The following EXOC4 variants were observed in gnomAD, a reference collection of about 807,000 sequenced individuals.
EXOC4 encodes the protein SEC8-like 1.
A neutral mutation model predicts 107.2 loss-of-function variants in EXOC4; 71 were observed. That is an observed-to-expected ratio of 0.66 (90% CI 0.55 to 0.81). The LOEUF is 0.81. EXOC4 is among the 30% of genes least tolerant of loss of function. The pLI is 0.00. For synonymous variants in EXOC4, 456 were observed against 441.2 expected, an observed-to-expected ratio of 1.03 and a Z score of -0.42; for missense variants, 1,108 against 1,189.6, an observed-to-expected ratio of 0.93 and a Z score of 1.01.
chr7:133,682,855 A>G (rs1186036237), intron 10 of EXOC4, among the ~76,000 whole-genome samples: 1 of 152,132 alleles, frequency 6.6e-6, no homozygotes. Context: ...GCACATTGTT[A>G]TTTTCTCAAG....
At chr7:133,658,386 A>G (rs866966684) in intron 10 of EXOC4, among the ~76,000 whole-genome samples, 5 of 152,228 alleles carry the variant, frequency 3.3e-5, no homozygotes, top group Middle Eastern at 3.4e-3. Flanking sequence ...GTTAAAATCT[A>G]CTTATCTACT....
chr7:133,791,892 C>T (rs1796709521), intron 10 of EXOC4, among the ~76,000 whole-genome samples: 1 of 152,170 alleles, frequency 6.6e-6, no homozygotes, highest in Non-Finnish European at 1.5e-5. Flanking sequence ...CTAAATAAAA[C>T]TTACCTCTAC....
chr7:133,454,598 C>T (rs1483813376), intron 7 of EXOC4, among the ~76,000 whole-genome samples: 1 of 152,198 alleles, frequency 6.6e-6, no homozygotes, highest in Non-Finnish European at 1.5e-5. Flanking sequence ...CGCCTGACCA[C>T]TGCCTTCATT....
chr7:133,898,023 GC>G (rs1203277033), intron 12 of EXOC4, among the ~76,000 whole-genome samples: 1 of 59,216 alleles, frequency 1.7e-5, no homozygotes, highest in Non-Finnish European at 3.3e-5. Context: ...CAATCCCCCA[GC>G]CCCCAGCCTC....
At chr7:133,429,196 T>C (rs756249334) in intron 7 of EXOC4, among the ~76,000 whole-genome samples, 4 of 152,188 alleles carry the variant, frequency 2.6e-5, no homozygotes, top group South Asian at 4.1e-4. Context: ...AAAGAATTGA[T>C]GGAAACATGA....
At chr7:133,651,599 T>C (rs947429706) in intron 10 of EXOC4, among the ~76,000 whole-genome samples, 4 of 152,150 alleles carry the variant, frequency 2.6e-5, no homozygotes, top group South Asian at 2.1e-4. Flanking sequence ...GTTTATTGCA[T>C]AGGAAGATTT....
intron 9 of EXOC4, among the ~76,000 whole-genome samples, chr7:133,618,945 T>C (rs1227606521): frequency 6.6e-6 from 1 of 152,198 alleles, no homozygotes; most frequent in Non-Finnish European, 1.5e-5. Flanking sequence ...AGTATTGATC[T>C]CGTCATGGCT....
the EXOC4 span, among the ~76,000 whole-genome samples, chr7:134,092,396 G>A: frequency 6.6e-6 from 1 of 152,092 alleles, no homozygotes; most frequent in African/African-American, 2.4e-5. Context: ...TAGAAATTGA[G>A]GAAGTCCAGA....
At chr7:133,692,707 CTG>C (rs1794447505) in intron 10 of EXOC4, among the ~76,000 whole-genome samples, 1 of 152,178 alleles carries the variant, frequency 6.6e-6, no homozygotes, top group East Asian at 1.9e-4. Flanking sequence ...AGTACTCAGT[CTG>C]TGTCCAGTAG....
At chr7:133,400,258 C>T (rs928715404) in intron 7 of EXOC4, among the ~76,000 whole-genome samples, 2 of 152,186 alleles carry the variant, frequency 1.3e-5, no homozygotes, top group African/African-American at 2.4e-5. Context: ...GAAACTTCAT[C>T]TTTTCTTGGT....
intron 3 of EXOC4, among the ~76,000 whole-genome samples, chr7:133,300,103 G>T (rs539634371): frequency 7.2e-4 from 110 of 152,180 alleles, no homozygotes; most frequent in Non-Finnish European, 1.3e-3. Context: ...TCCTAAGGGA[G>T]ATAGGGCACC....
intron 7 of EXOC4, among the ~76,000 whole-genome samples, chr7:133,461,668 G>A (rs1323479813): frequency 6.6e-6 from 1 of 152,084 alleles, no homozygotes; most frequent in Non-Finnish European, 1.5e-5. Flanking sequence ...GTAATAAATG[G>A]TATTCCTATA....
chr7:133,451,009 A>G (rs1798332469), intron 7 of EXOC4, among the ~76,000 whole-genome samples: 1 of 152,174 alleles, frequency 6.6e-6, no homozygotes, highest in Non-Finnish European at 1.5e-5. Context: ...ACGGTTGCTC[A>G]CTTTGGTTTG....
Position 133,630,096 on chromosome 7 carries a change from A to G in EXOC4, c.1469A>G (p.Lys490Arg), listed in dbSNP as rs141069340. 3.1e-6 allele frequency: 5 copies of G among 1,613,890 alleles called. No homozygotes were observed. In the African/African-American group the frequency reaches 5.3e-5, roughly 17 times the overall value. ...IEGGGTKFVC[K>R]PGARNITVIF... Reference sequence around the variant, plus strand: ...GGTGGAGGAACAAAATTTGTCTGCAAACCTGGAGCCAGAAACATTACCGTC... The same window carrying G: ...GGTGGAGGAACAAAATTTGTCTGCAGACCTGGAGCCAGAAACATTACCGTC... The change falls in exon 10 of 18, where the codon AAA (lysine) becomes AGA (arginine). Residue 490 changes from lysine (K) to arginine (R), a missense_variant. By Grantham distance (26) the Lys-to-Arg change is conservative (BLOSUM62 2). Transcript: ENST00000253861.
intron 5 of EXOC4, among the ~76,000 whole-genome samples, chr7:133,339,597 G>A (rs1156553329): frequency 6.6e-6 from 1 of 152,130 alleles, no homozygotes; most frequent in East Asian, 1.9e-4. Flanking sequence ...GATCACTTTT[G>A]CCATATGGTC....
chr7:134,063,999 A>G (rs1264217779), intron 17 of EXOC4, among the ~76,000 whole-genome samples: 2 of 152,100 alleles, frequency 1.3e-5, no homozygotes, highest in Non-Finnish European at 2.9e-5. Context: ...CCTTTCTCCC[A>G]AGGTAAATGC....
rs181447051 is a variant in EXOC4, at chr7:133,740,332, A to G, written c.1515-76993A>G. 1.3e-4 allele frequency among the ~76,000 whole-genome samples: 20 copies of G among 152,294 alleles called. No homozygotes were observed. In the East Asian group the frequency reaches 3.9e-3, roughly 29 times the overall value. ...AAATTCCCAATTTTTCACACATTTT[A>G]TATATGAGTCTGCATGAATGTTAGC... On this transcript the variant is annotated intron_variant, in intron 10 of 17. Transcript: ENST00000253861.
chr7:133,461,344 G>A (rs1037246370), intron 7 of EXOC4, among the ~76,000 whole-genome samples: 3 of 152,030 alleles, frequency 2.0e-5, no homozygotes, highest in Non-Finnish European at 2.9e-5. Context: ...CCAATGAGAA[G>A]GTATGTAACA....
At position 133,653,075 on chromosome 7, in the gene EXOC4, G is replaced by A. The variant is rs373651909; in HGVS notation, c.1514+22934G>A. Among the ~76,000 whole-genome samples, 13 of 152,272 alleles carry A rather than the reference G, an allele frequency of 8.5e-5. 1 individual carries two copies. Among genetic ancestry groups the A allele is most frequent in the African/African-American group, 3.1e-4 (13 of 41,564 alleles). ...TTGGTAAATAGTAACTGAGATTGGG[G>A]CCTTGAAGAATTTTGAAACCTGAGG... is the stretch of plus-strand genomic sequence containing the variant. On this transcript the variant is annotated intron_variant, in intron 10 of 17. Transcript: ENST00000253861.
Sources: allele counts gnomAD v4.1 joint callset (sites outside exome capture counted in the v4.1 genomes callset), GRCh38; gene constraint gnomAD v4.1.1; transcripts MANE v1.5; gene names NCBI Gene and HGNC (gene_info 2026-07-23, HGNC 2026-07-21).